SNX13: variants seen among roughly 807,000 people sequenced by gnomAD.
SNX13 encodes the protein sorting nexin 13, also known as sorting nexin-13.
In SNX13, 45 loss-of-function variants were observed where a neutral mutation model predicts 133.6. That is an observed-to-expected ratio of 0.34 (90% confidence interval 0.27 to 0.43). The LOEUF (loss-of-function observed/expected upper bound fraction) is 0.43. Ranked by LOEUF, SNX13 falls within the 20% of genes least tolerant of loss-of-function variation. SNX13 has a pLI of 1.00. For missense variants in SNX13, 1,032 were observed against 1,145.1 expected (o/e 0.90, Z 1.43); for synonymous variants, 414 against 373.9 (o/e 1.11, Z -1.24).
In SNX13 at chr7:17,816,164, T is replaced by C. The variant is rs1428627988; in HGVS notation, c.1953+18A>G. ...ATATTAAATGAAAATCTGTGGATTA[T>C]AGTAAACATGAGCTTACCTGCAAAT... On this transcript the variant is annotated intron_variant, in intron 19 of 25. Coordinates refer to ENST00000428135, the MANE Select transcript of SNX13 (RefSeq NM_015132.5). The C allele has an allele frequency of 2.6e-5, 39 of 1,518,826 alleles. No homozygotes were observed. The highest frequency in any genetic ancestry group is 3.1e-5 in the Non-Finnish European group (35 of 1,132,094). 94.1% of individuals were successfully genotyped at this position (1,518,826 alleles called of 1,614,324 possible).
At chr7:17,836,837 A>C (rs1789193011) in intron 13 of SNX13, among the ~76,000 whole-genome samples, 1 of 152,078 alleles carries the variant, frequency 6.6e-6, no homozygotes, top group Non-Finnish European at 1.5e-5. Flanking sequence ...TTAAAAGACA[A>C]ATGTACATAA....
intron 9 of SNX13, among the ~76,000 whole-genome samples, chr7:17,857,661 G>A (rs1792089945): frequency 6.6e-6 from 1 of 152,088 alleles, no homozygotes; most frequent in African/African-American, 2.4e-5. Context: ...GCGGGCATCT[G>A]TAATCCCAGT....
At chr7:17,800,745 A>C (rs1784522684) in intron 22 of SNX13, among the ~76,000 whole-genome samples, 1 of 151,690 alleles carries the variant, frequency 6.6e-6, no homozygotes, top group African/African-American at 2.4e-5. Context: ...AGCCAACAGA[A>C]AAATGACAAA....
chr7:17,830,978 A>C (rs1031414877), intron 15 of SNX13: 2 of 984,286 alleles, frequency 2.0e-6, no homozygotes, highest in Non-Finnish European at 2.4e-6. Context: ...CTCTGGTCAT[A>C]AAAAAATGGG....
At chr7:17,825,666 T>C (rs759201461) in intron 17 of SNX13, among the ~76,000 whole-genome samples, 1 of 152,128 alleles carries the variant, frequency 6.6e-6, no homozygotes, top group Non-Finnish European at 1.5e-5. Context: ...TTTGTATATA[T>C]GAAAACTAAT....
At chr7:17,901,398 T>C (rs1262353638) in intron 1 of SNX13, among the ~76,000 whole-genome samples, 2 of 152,102 alleles carry the variant, frequency 1.3e-5, no homozygotes, top group African/African-American at 4.8e-5. Context: ...TTGCACTCCT[T>C]GTGGCCTAGC....
At chr7:17,877,045 G>GAAAAAAAAAAAAAAAAAA (rs57618763) in intron 5 of SNX13, among the ~76,000 whole-genome samples, 3 of 60,070 alleles carry the variant, frequency 5.0e-5, no homozygotes, top group Admixed American at 2.0e-4. Flanking sequence ...GTTACTTTTT[G>GAAAAAAAAAAAAAAAAAA]AAAAAAAAAA....
In SNX13 at chr7:17,834,997, C is replaced by A. The variant is rs552674402; in HGVS notation, c.1360-132G>T. On this transcript the variant is annotated intron_variant, in intron 13 of 25. Coordinates refer to ENST00000428135, the MANE Select transcript of SNX13 (RefSeq NM_015132.5). ...AAGAATCATTGGTTTGTAAACGACA[C>A]CTTGATGTTTAAGAAGGATGAAACA... The A allele has an allele frequency of 2.9e-5, 16 of 555,742 alleles. No homozygotes were observed. In the South Asian group the frequency reaches 4.5e-4, roughly 16 times the overall value. 34.4% of individuals were successfully genotyped at this position (555,742 alleles called of 1,614,324 possible).
At chr7:17,794,971 C>A (rs1783892573) in intron 25 of SNX13, 2 of 151,584 alleles carry the variant, frequency 1.3e-5, no homozygotes, top group African/African-American at 2.4e-5. Context: ...GTAAAGGAGA[C>A]TTTCTACTTG....
At chr7:17,864,538 C>T (rs986152275) in intron 9 of SNX13, among the ~76,000 whole-genome samples, 2 of 151,858 alleles carry the variant, frequency 1.3e-5, no homozygotes, top group African/African-American at 4.8e-5. Context: ...GGCTAATCTA[C>T]GATTTATTGG....
chr7:17,819,544 T>C (rs971078337), intron 18 of SNX13, among the ~76,000 whole-genome samples: 2 of 152,144 alleles, frequency 1.3e-5, no homozygotes, highest in African/African-American at 4.8e-5. Context: ...AAATGTTGTA[T>C]CACAAAATTA....
At chr7:17,929,643 T>C (rs1365356723) in intron 1 of SNX13, among the ~76,000 whole-genome samples, 1 of 152,178 alleles carries the variant, frequency 6.6e-6, no homozygotes, top group Non-Finnish European at 1.5e-5. Flanking sequence ...AGAACCATAG[T>C]ACTTCTCATG....
At chr7:17,834,980 T>C (rs973425113) in intron 13 of SNX13, 115 bp from the exon 14 acceptor site, 20 of 635,554 alleles carry the variant, frequency 3.1e-5, no homozygotes, top group African/African-American at 1.3e-4. Context: ...GTAAGAATCA[T>C]TGGTTTGTAA....
At chr7:17,875,250 G>A (rs1794588402) in intron 7 of SNX13, among the ~76,000 whole-genome samples, 1 of 152,070 alleles carries the variant, frequency 6.6e-6, no homozygotes, top group Admixed American at 6.6e-5. Context: ...TTACAGGCAT[G>A]AGCCACTGCA....
intron 2 of SNX13, 131 bp from the exon 3 acceptor site, chr7:17,893,565 G>T: frequency 1.6e-6 from 1 of 611,196 alleles, no homozygotes; most frequent in Non-Finnish European, 2.8e-6. Context: ...TGTGACTTTG[G>T]CAAAGCAAGA....
intron 1 of SNX13, among the ~76,000 whole-genome samples, chr7:17,921,178 G>C (rs1001886254): frequency 1.3e-5 from 2 of 152,132 alleles, no homozygotes. Context: ...AGTCTATCAA[G>C]GTCTGGACTG....
At chr7:17,844,008 C>A (rs1282837358) in intron 12 of SNX13, among the ~76,000 whole-genome samples, 1 of 149,778 alleles carries the variant, frequency 6.7e-6, no homozygotes, top group Non-Finnish European at 1.5e-5. Context: ...AACTTTACAA[C>A]ATAAAGAAAT....
rs201187729 is a variant in SNX13 at position 17,895,754 on chromosome 7, T to G, written c.125+1580A>C. 1.4e-4 allele frequency among the ~76,000 whole-genome samples: 21 copies of G among 152,264 alleles called. No individual in the cohort carries two copies. In the East Asian group the frequency reaches 4.0e-3, roughly 29 times the overall value. On this transcript the variant is annotated intron_variant, in intron 2 of 25. Coordinates refer to ENST00000428135, the MANE Select transcript of SNX13 (RefSeq NM_015132.5). ...TGCAGGATCTGGTTTTATTAAAGATTAAAAACTTAAAAAATTAATAAACTG... is the reference window on the plus strand; with the variant it reads ...TGCAGGATCTGGTTTTATTAAAGATGAAAAACTTAAAAAATTAATAAACTG...
chr7:17,814,976 A>C, intron 19 of SNX13, 32 bp from the exon 20 acceptor site: 6 of 1,357,752 alleles, frequency 4.4e-6, no homozygotes, highest in Non-Finnish European at 5.7e-6. Flanking sequence ...AGAAGAGATT[A>C]TCTTAAACTG....
Sources: allele counts gnomAD v4.1 joint callset (sites outside exome capture counted in the v4.1 genomes callset), GRCh38; gene constraint gnomAD v4.1.1; transcripts MANE v1.5; gene names NCBI Gene and HGNC (gene_info 2026-07-23, HGNC 2026-07-21).